SLC24A4: variants seen among roughly 807,000 people sequenced by gnomAD.
The protein encoded by SLC24A4 is sodium/potassium/calcium exchanger 4.
Under a neutral mutation model 79.0 loss-of-function variants are expected in SLC24A4, and 53 were observed. The ratio of observed to expected loss-of-function variants is 0.67; its 90% CI spans 0.54 to 0.84. The LOEUF (loss-of-function observed/expected upper bound fraction) is 0.84. Among genes scored for constraint, SLC24A4 ranks in the 40% least tolerant of loss-of-function variants. The pLI, the probability that SLC24A4 is intolerant of heterozygous loss-of-function variation, is 0.00. For synonymous variants in SLC24A4, 323 were observed against 323.8 expected (o/e 1.00, Z 0.03); for missense variants, 731 against 822.0 (o/e 0.89, Z 1.35).
chr14:92,369,439 A>G (rs1008355819), intron 2 of SLC24A4, among the ~76,000 whole-genome samples: 4 of 152,372 alleles, frequency 2.6e-5, no homozygotes, highest in African/African-American at 9.6e-5. Flanking sequence ...GACTTCAAAG[A>G]TATCAATGAG....
At chr14:92,387,491 C>T (rs1889231193) in intron 2 of SLC24A4, among the ~76,000 whole-genome samples, 1 of 152,192 alleles carries the variant, frequency 6.6e-6, no homozygotes, top group Non-Finnish European at 1.5e-5. Flanking sequence ...GTATTTTTAT[C>T]ACTGATGTTT....
chr14:92,414,911 T>C (rs978328269), intron 2 of SLC24A4, among the ~76,000 whole-genome samples: 2 of 152,156 alleles, frequency 1.3e-5, no homozygotes, highest in Admixed American at 6.5e-5. Flanking sequence ...TTAGAGAACA[T>C]TCTCTGTGTG....
At chr14:92,415,851 G>A (rs1035191618) in intron 2 of SLC24A4, among the ~76,000 whole-genome samples, 6 of 152,032 alleles carry the variant, frequency 3.9e-5, no homozygotes, top group Non-Finnish European at 8.8e-5. Context: ...TGATTTGTGA[G>A]GTTTGGGTGC....
At chr14:92,436,153 G>T (rs1186159563) in intron 3 of SLC24A4, among the ~76,000 whole-genome samples, 1 of 152,210 alleles carries the variant, frequency 6.6e-6, no homozygotes, top group Non-Finnish European at 1.5e-5. Context: ...AATTATGGTA[G>T]AAGGGGAGGA....
Position 92,486,227 on chromosome 14 carries a change from A to G in SLC24A4, c.1423-439A>G, listed in dbSNP as rs1007557398. On this transcript the variant is annotated intron_variant, in intron 13 of 16. Transcript: ENST00000532405. ...GTCCATTTCCCCAGAACACTTGTGCAGTTGGGGAAACTGAGGACCAAAGAG... is the reference window on the plus strand; with the variant it reads ...GTCCATTTCCCCAGAACACTTGTGCGGTTGGGGAAACTGAGGACCAAAGAG... 3.3e-5 allele frequency among the ~76,000 whole-genome samples: 5 copies of G among 152,198 alleles called. No individual in the cohort carries two copies. In the South Asian group the frequency reaches 8.3e-4, roughly 25 times the overall value.
chr14:92,445,470 GAAA>G lies in SLC24A4; in HGVS notation c.683+133_683+135del, dbSNP rs1037727948. The G allele has an allele frequency of 2.6e-5, 28 of 1,059,164 alleles. No homozygotes were observed. In the African/African-American group the frequency reaches 3.6e-4, roughly 13 times the overall value. The allele number at this position is 1,059,164 out of a possible 1,614,324, so 65.6% of individuals were successfully genotyped here. A position where few individuals can be genotyped will look rare whatever the true frequency, so the allele number is the denominator to read the frequency against. On this transcript the variant is annotated intron_variant, in intron 8 of 16. Coordinates refer to ENST00000532405, the MANE Select transcript of SLC24A4 (RefSeq NM_153646.4). ...CTTAAGCTTATTAACTTGTGAAAGT[GAAA>G]AAAAGATATTCTAAGCAGTCATGCC...
At chr14:92,403,583 G>A (rs1328143462) in intron 2 of SLC24A4, among the ~76,000 whole-genome samples, 1 of 148,782 alleles carries the variant, frequency 6.7e-6, no homozygotes, top group East Asian at 2.0e-4. Flanking sequence ...ACTCCAGCCT[G>A]GGTGACAGAG....
At chr14:92,439,260 T>A (rs1462866262) in intron 3 of SLC24A4, 75 bp from the exon 4 acceptor site, 5 of 1,282,078 alleles carry the variant, frequency 3.9e-6, no homozygotes, top group Non-Finnish European at 5.7e-6. Context: ...GCAGCCTGGT[T>A]TGGGGTGTGG....
At chr14:92,358,796 TGCCTCA>T (rs1887330757) in intron 2 of SLC24A4, among the ~76,000 whole-genome samples, 1 of 150,746 alleles carries the variant, frequency 6.6e-6, no homozygotes, top group Non-Finnish European at 1.5e-5. Context: ...GTGATTCCCC[TGCCTCA>T]GCATCCCAAG....
chr14:92,328,022 C>T (rs945893317), intron 2 of SLC24A4, among the ~76,000 whole-genome samples: 1 of 152,176 alleles, frequency 6.6e-6, no homozygotes, highest in East Asian at 1.9e-4. Flanking sequence ...TTTGCCAAGA[C>T]AAGATACACG....
At chr14:92,389,660 A>G (rs898444025) in intron 2 of SLC24A4, among the ~76,000 whole-genome samples, 5 of 152,142 alleles carry the variant, frequency 3.3e-5, no homozygotes, top group Non-Finnish European at 4.4e-5. Context: ...GAAGGGTCTG[A>G]TACTTGGCCC....
At chr14:92,416,648 C>G (rs768741571) in intron 2 of SLC24A4, among the ~76,000 whole-genome samples, 7 of 152,174 alleles carry the variant, frequency 4.6e-5, no homozygotes, top group Non-Finnish European at 8.8e-5. Flanking sequence ...GTTCTGTGAT[C>G]CTGATGAAGC....
intron 3 of SLC24A4, among the ~76,000 whole-genome samples, chr14:92,436,258 A>G (rs138829906): frequency 0.018 from 2,790 of 152,288 alleles, 95 homozygotes; most frequent in African/African-American, 0.064. Context: ...TTCACTCACT[A>G]TCACGAGAAC....
chr14:92,435,559 C>A (rs1318584013), intron 3 of SLC24A4, among the ~76,000 whole-genome samples: 1 of 152,184 alleles, frequency 6.6e-6, no homozygotes, highest in Non-Finnish European at 1.5e-5. Context: ...TCAACCACAG[C>A]AAATTTTCCT....
At chr14:92,373,192 A>ACACACG (rs1327735264) in intron 2 of SLC24A4, among the ~76,000 whole-genome samples, 3 of 53,494 alleles carry the variant, frequency 5.6e-5, no homozygotes, top group East Asian at 9.8e-4. Flanking sequence ...ACACACACAC[A>ACACACG]CGCACACACA....
At position 92,349,752 on chromosome 14, in the gene SLC24A4, G is replaced by A. The variant is rs550355660; in HGVS notation, c.241+23774G>A. Among the ~76,000 whole-genome samples the A allele has an allele frequency of 3.9e-5, 6 of 152,298 alleles. No individual in the cohort carries two copies. In the East Asian group the frequency reaches 1.2e-3, roughly 29 times the overall value. On this transcript the variant is annotated intron_variant, in intron 2 of 16. Transcript: ENST00000532405. ...TTATAATATAAGCTCTGAATTTTAG[G>A]GGATTCCAATAGGAGGGCATGCCAG...
chr14:92,422,559 C>T (rs1891342146), intron 2 of SLC24A4, among the ~76,000 whole-genome samples: 1 of 152,312 alleles, frequency 6.6e-6, no homozygotes, highest in South Asian at 2.1e-4. Context: ...ACAGTGTTTC[C>T]TGGGCTCATT....
chr14:92,438,766 G>A (rs193014259), intron 3 of SLC24A4, among the ~76,000 whole-genome samples: 2 of 152,330 alleles, frequency 1.3e-5, no homozygotes, highest in East Asian at 3.9e-4. Context: ...CTATCCTTTA[G>A]GGTTTCTATG....
intron 2 of SLC24A4, among the ~76,000 whole-genome samples, chr14:92,419,392 T>A (rs1248632888): frequency 6.6e-6 from 1 of 152,242 alleles, no homozygotes; most frequent in East Asian, 1.9e-4. Context: ...CCAGGCACCA[T>A]GCTGTAGCAG....
Sources: gnomAD v4.1 joint callset for allele counts (sites outside exome capture counted in the v4.1 genomes callset) on GRCh38, gnomAD v4.1.1 for gene constraint, MANE v1.5 for transcripts, NCBI Gene and HGNC (gene_info 2026-07-23, HGNC 2026-07-21) for gene names.